The following NCAM2 variants were observed in gnomAD, a reference collection of about 807,000 sequenced individuals.
NCAM2 encodes the protein neural cell adhesion molecule 2, also known as N-CAM-2.
A neutral mutation model predicts 98.1 loss-of-function variants in NCAM2; 30 were observed. That is an observed-to-expected ratio of 0.31 (90% CI 0.23 to 0.41). The LOEUF (loss-of-function observed/expected upper bound fraction) is 0.41. Among genes scored for constraint, NCAM2 ranks in the 10% least tolerant of loss-of-function variants. The pLI is 1.00. For synonymous variants in NCAM2, 368 were observed against 342.4 expected, an observed-to-expected ratio of 1.07 and a Z score of -0.83; for missense variants, 867 against 1,005.8, an observed-to-expected ratio of 0.86 and a Z score of 1.87.
intron 14 of NCAM2, among the ~76,000 whole-genome samples, chr21:21,473,369 T>TATAA (rs1403915835): frequency 5.3e-4 from 53 of 99,460 alleles, no homozygotes; most frequent in African/African-American, 2.2e-3. Context: ...AAAATATATG[T>TATAA]ATAAATATAT....
chr21:21,013,339 T>C (rs973706016), intron 1 of NCAM2, among the ~76,000 whole-genome samples: 1 of 152,178 alleles, frequency 6.6e-6, no homozygotes, highest in Admixed American at 6.5e-5. Context: ...CTGGTTTGGA[T>C]AGAAGAGCAA....
intron 1 of NCAM2, among the ~76,000 whole-genome samples, chr21:21,042,560 A>T (rs931941248): frequency 5.3e-5 from 8 of 152,276 alleles, no homozygotes; most frequent in African/African-American, 1.9e-4. Context: ...AATGTACAAA[A>T]ATCTCAGGGA....
At chr21:21,252,799 C>T (rs1601772331) in intron 1 of NCAM2, among the ~76,000 whole-genome samples, 1 of 151,946 alleles carries the variant, frequency 6.6e-6, no homozygotes, top group Non-Finnish European at 1.5e-5. Flanking sequence ...CCTGTCTACT[C>T]TCCCTCCCCT....
chr21:21,146,546 G>GATATATATATATATATATATATAT (rs201917811), intron 1 of NCAM2, among the ~76,000 whole-genome samples: 1 of 50,382 alleles, frequency 2.0e-5, no homozygotes, highest in African/African-American at 5.1e-5. Flanking sequence ...ATACTTACAG[G>GATATATATATATATATATATATAT]ATATATATAT....
At chr21:21,016,931 A>C (rs1468112279) in intron 1 of NCAM2, among the ~76,000 whole-genome samples, 1 of 152,198 alleles carries the variant, frequency 6.6e-6, no homozygotes, top group East Asian at 1.9e-4. Flanking sequence ...GAAGGGTAAT[A>C]GATTTGGAAT....
At chr21:21,015,205 C>T (rs1197506659) in intron 1 of NCAM2, among the ~76,000 whole-genome samples, 2 of 152,090 alleles carry the variant, frequency 1.3e-5, no homozygotes. Flanking sequence ...ATAAAACAGT[C>T]AGAGGGTTTG....
chr21:21,259,975 A>G (rs2147339220), intron 1 of NCAM2, among the ~76,000 whole-genome samples: 1 of 150,748 alleles, frequency 6.6e-6, no homozygotes, highest in Middle Eastern at 3.4e-3. Flanking sequence ...CAAAGGATTC[A>G]GGATGTGAAA....
At chr21:21,208,630 C>T (rs908598230) in intron 1 of NCAM2, among the ~76,000 whole-genome samples, 4 of 151,656 alleles carry the variant, frequency 2.6e-5, no homozygotes, top group African/African-American at 9.7e-5. Context: ...ATTCTAAAAC[C>T]GTGAAAACTT....
chr21:21,506,343 A>G (rs1987977069), intron 15 of NCAM2, among the ~76,000 whole-genome samples: 1 of 152,132 alleles, frequency 6.6e-6, no homozygotes, highest in African/African-American at 2.4e-5. Flanking sequence ...ATAATCAAAC[A>G]TGTTTCATAG....
At chr21:21,410,670 A>C (rs950111047) in intron 10 of NCAM2, among the ~76,000 whole-genome samples, 1 of 152,006 alleles carries the variant, frequency 6.6e-6, no homozygotes, top group Non-Finnish European at 1.5e-5. Flanking sequence ...CAATGTGGCT[A>C]TATAGCAAAG....
intron 11 of NCAM2, among the ~76,000 whole-genome samples, chr21:21,427,806 A>G (rs546152240): frequency 2.6e-5 from 4 of 152,314 alleles, no homozygotes; most frequent in Admixed American, 1.3e-4. Context: ...TGACTAAAAC[A>G]TTGATACATG....
In NCAM2 at chr21:21,204,917, C is replaced by T. The variant is rs28714322; in HGVS notation, c.56-75661C>T. 6.6e-3 allele frequency among the ~76,000 whole-genome samples: 1,001 copies of T among 151,544 alleles called. 10 individuals carry two copies. Among genetic ancestry groups the T allele is most frequent in the Middle Eastern group, 0.048 (14 of 294 alleles). ...TTTTTAAGTAGATATTTCCACTTTC[C>T]GTTCACTCTTTGCCTCCTTTGTGTA... On this transcript the variant is annotated intron_variant, in intron 1 of 17. Coordinates refer to ENST00000400546, the MANE Select transcript of NCAM2 (RefSeq NM_004540.5).
At chr21:21,379,663 A>G (rs2076109143) in intron 9 of NCAM2, among the ~76,000 whole-genome samples, 1 of 151,958 alleles carries the variant, frequency 6.6e-6, no homozygotes, top group African/African-American at 2.4e-5. Flanking sequence ...TTTATATCCC[A>G]CCATATTAAC....
At chr21:21,255,422 T>G (rs1011223601) in intron 1 of NCAM2, among the ~76,000 whole-genome samples, 1 of 152,252 alleles carries the variant, frequency 6.6e-6, no homozygotes. Flanking sequence ...CTCTGCTCAC[T>G]TCTGCCTCTC....
chr21:21,411,071 C>CATATATGTGTGTATATATAT (rs1471958720), intron 10 of NCAM2, among the ~76,000 whole-genome samples: 1 of 8,312 alleles, frequency 1.2e-4, no homozygotes, highest in African/African-American at 5.4e-4. Flanking sequence ...TATATATATA[C>CATATATGTGTGTATATATAT]ACACACATAT....
At chr21:21,406,735 G>A (rs776844235) in intron 9 of NCAM2, among the ~76,000 whole-genome samples, 1 of 151,942 alleles carries the variant, frequency 6.6e-6, no homozygotes, top group Non-Finnish European at 1.5e-5. Flanking sequence ...ATAATTTGTA[G>A]AATCATATTT....
At chr21:21,077,805 A>C (rs2065710170) in intron 1 of NCAM2, among the ~76,000 whole-genome samples, 1 of 152,144 alleles carries the variant, frequency 6.6e-6, no homozygotes, top group South Asian at 2.1e-4. Flanking sequence ...ATATCACATA[A>C]GTATATTCAT....
At chr21:21,298,412 C>T (rs1410102045) in intron 5 of NCAM2, among the ~76,000 whole-genome samples, 1 of 151,476 alleles carries the variant, frequency 6.6e-6, no homozygotes, top group African/African-American at 2.4e-5. Flanking sequence ...AATATTTACC[C>T]AAACCAGAGT....
intron 1 of NCAM2, among the ~76,000 whole-genome samples, chr21:21,146,819 A>G (rs1569074411): frequency 6.6e-6 from 1 of 152,174 alleles, no homozygotes; most frequent in Non-Finnish European, 1.5e-5. Context: ...AACATGAACT[A>G]TCATTTTGAC....
Sources: allele counts gnomAD v4.1 joint callset (sites outside exome capture counted in the v4.1 genomes callset), GRCh38; gene constraint gnomAD v4.1.1; transcripts MANE v1.5; gene names NCBI Gene and HGNC (gene_info 2026-07-23, HGNC 2026-07-21).